Variants in SNCAIP observed in about 807,000 individuals in gnomAD.
The protein encoded by SNCAIP is synphilin-1.
In SNCAIP, 43 loss-of-function variants were observed where a neutral mutation model predicts 86.7. That is an observed-to-expected ratio of 0.50 (90% confidence interval 0.39 to 0.64). The LOEUF is 0.64. SNCAIP is among the 30% of genes least tolerant of loss of function. The probability of loss-of-function intolerance (pLI) is 0.00; values close to 1 mark genes in which losing one functional copy is unlikely to be tolerated. For synonymous variants in SNCAIP, 417 were observed against 427.2 expected, an observed-to-expected ratio of 0.98 and a Z score of 0.29; for missense variants, 981 against 1,103.1, an observed-to-expected ratio of 0.89 and a Z score of 1.57.
At chr5:122,320,907 A>T (rs918398460) in intron 1 of SNCAIP, among the ~76,000 whole-genome samples, 2 of 152,202 alleles carry the variant, frequency 1.3e-5, no homozygotes, top group African/African-American at 4.8e-5. Flanking sequence ...CCGGCAGGCA[A>T]GCACAACTCA....
At chr5:122,375,729 C>T (rs529229276) in intron 1 of SNCAIP, among the ~76,000 whole-genome samples, 36 of 151,512 alleles carry the variant, frequency 2.4e-4, no homozygotes, top group Non-Finnish European at 4.7e-4. Context: ...TCTTGTATAG[C>T]ACAACAAATT....
At chr5:122,425,674 G>T in intron 5 of SNCAIP, 143 bp downstream of exon 5, 1 of 696,496 alleles carries the variant, frequency 1.4e-6, no homozygotes, top group Non-Finnish European at 2.5e-6. Context: ...ATTTAAGAGA[G>T]TAATCATTTC....
At chr5:122,330,653 A>G (rs1322490985) in intron 1 of SNCAIP, among the ~76,000 whole-genome samples, 4 of 152,154 alleles carry the variant, frequency 2.6e-5, no homozygotes, top group African/African-American at 9.7e-5. Context: ...TACTGAGATG[A>G]ACAAATGTTA....
intron 1 of SNCAIP, among the ~76,000 whole-genome samples, chr5:122,353,695 A>G (rs1388972680): frequency 1.3e-5 from 2 of 152,186 alleles, no homozygotes; most frequent in African/African-American, 2.4e-5. Context: ...GCTTCCCGCC[A>G]TCCATGAAAG....
chr5:122,362,405 A>C (rs1447124462), intron 1 of SNCAIP, among the ~76,000 whole-genome samples: 1 of 152,224 alleles, frequency 6.6e-6, no homozygotes, highest in African/African-American at 2.4e-5. Context: ...TTGGAGATTG[A>C]GGAATCTGAG....
rs36222259 is a variant in SNCAIP, at chr5:122,358,159, T to TTGTG, written c.-46-32888_-46-32885dup. 3.7e-3 allele frequency among the ~76,000 whole-genome samples: 509 copies of TTGTG among 138,056 alleles called. 1 individual carries two copies. Among genetic ancestry groups the TTGTG allele is most frequent in the Non-Finnish European group, 4.2e-3 (270 of 64,870 alleles). The allele number at this position is 138,056 out of a possible 152,430, so 90.6% of individuals were successfully genotyped here. Reference sequence around the variant, plus strand: ...ATCAAAGAAAGAAAAATTTGTTTCTTTGTGTGTGTGTGTGTGTGTGTGTGT... The same window carrying TTGTG: ...ATCAAAGAAAGAAAAATTTGTTTCTTTGTGTGTGTGTGTGTGTGTGTGTGTGTGT... On this transcript the variant is annotated intron_variant, in intron 1 of 10. Transcript: ENST00000261368.
chr5:122,365,426 C>A (rs748975816), intron 1 of SNCAIP, among the ~76,000 whole-genome samples: 4 of 152,174 alleles, frequency 2.6e-5, no homozygotes, highest in Non-Finnish European at 5.9e-5. Flanking sequence ...CACCTGTAAT[C>A]CCACCACTGT....
intron 6 of SNCAIP, among the ~76,000 whole-genome samples, chr5:122,435,958 A>G (rs1387782010): frequency 6.6e-6 from 1 of 152,138 alleles, no homozygotes; most frequent in African/African-American, 2.4e-5. Context: ...AGCATAACTG[A>G]CACAGAGCCC....
intron 1 of SNCAIP, among the ~76,000 whole-genome samples, chr5:122,315,208 G>A (rs1010974011): frequency 3.3e-5 from 5 of 152,162 alleles, no homozygotes; most frequent in African/African-American, 7.2e-5. Context: ...TCCCTCAGAC[G>A]TTTTCAGTCT....
intron 1 of SNCAIP, among the ~76,000 whole-genome samples, chr5:122,380,472 T>C (rs559925172): frequency 6.6e-6 from 1 of 150,862 alleles, no homozygotes; most frequent in South Asian, 2.1e-4. Context: ...TCAATTTTGT[T>C]GATCCTTTCA....
intron 1 of SNCAIP, among the ~76,000 whole-genome samples, chr5:122,364,848 G>A (rs1191959524): frequency 6.6e-6 from 1 of 151,882 alleles, no homozygotes; most frequent in Non-Finnish European, 1.5e-5. Context: ...CAAGTCACTG[G>A]GCCCTTCTAG....
At chr5:122,443,379 C>T (rs905880312) in intron 7 of SNCAIP, among the ~76,000 whole-genome samples, 2 of 152,152 alleles carry the variant, frequency 1.3e-5, no homozygotes, top group Admixed American at 1.3e-4. Context: ...ACAGTATGGA[C>T]ACAAAATAGT....
intron 1 of SNCAIP, among the ~76,000 whole-genome samples, chr5:122,351,151 T>C (rs1418687627): frequency 1.3e-5 from 2 of 152,208 alleles, no homozygotes; most frequent in Non-Finnish European, 2.9e-5. Flanking sequence ...TTCTACCTTG[T>C]CTAAATTCTG....
rs146649485 is a variant in SNCAIP at position 122,336,505 on chromosome 5, C to T, written c.-47+24221C>T. ...TCTATTTCAGTAGATAACTTTTTGT[C>T]CTCCCAGACCTCAGAAATTTGTCCT... is the stretch of plus-strand genomic sequence containing the variant. On this transcript the variant is annotated intron_variant, in intron 1 of 10. Transcript: ENST00000261368. Among the ~76,000 whole-genome samples the T allele has an allele frequency of 3.2e-3, 486 of 152,276 alleles. 1 individual carries two copies. Among genetic ancestry groups the T allele is most frequent in the South Asian group, 6.0e-3 (29 of 4,826 alleles).
intron 2 of SNCAIP, among the ~76,000 whole-genome samples, chr5:122,399,835 A>C (rs949324304): frequency 6.6e-6 from 1 of 152,184 alleles, no homozygotes; most frequent in African/African-American, 2.4e-5. Context: ...CGTGCGTTAT[A>C]ATCACCCATA....
In SNCAIP at chr5:122,451,569, G is replaced by C; in HGVS notation, c.2722G>C (p.Ala908Pro). The C allele has an allele frequency of 6.2e-7, 1 of 1,613,214 alleles. No homozygotes were observed. Among genetic ancestry groups the C allele is most frequent in the Non-Finnish European group, 8.5e-7 (1 of 1,179,540 alleles). The change falls in exon 10 of 11, where the codon GCC becomes CCC. Residue 908 changes from alanine (A) to proline (P), a missense_variant. Physicochemically the swap from Ala to Pro is conservative, Grantham distance 27 (BLOSUM62 -1). Coordinates refer to ENST00000261368, the MANE Select transcript of SNCAIP (RefSeq NM_005460.4). ...GAAGACAGATGCCAAGGGAAACCCTGCCAGCTCCGCTAGCAAAGGAAAGAA... is the reference window on the plus strand; with the variant it reads ...GAAGACAGATGCCAAGGGAAACCCTCCCAGCTCCGCTAGCAAAGGAAAGAA... ...GRKTDAKGNP[A>P]SSASKGKNKA...
intron 1 of SNCAIP, among the ~76,000 whole-genome samples, chr5:122,341,040 C>G (rs760323899): frequency 2.0e-5 from 3 of 152,152 alleles, no homozygotes; most frequent in Non-Finnish European, 2.9e-5. Context: ...TCTGGCCCAC[C>G]ACCCTTCCCC....
chr5:122,338,747 A>G (rs947094390), intron 1 of SNCAIP, among the ~76,000 whole-genome samples: 1 of 152,216 alleles, frequency 6.6e-6, no homozygotes, highest in Admixed American at 6.5e-5. Flanking sequence ...TTGTTTTGGA[A>G]GAAGTTTTGT....
At chr5:122,377,965 G>C (rs906265731) in intron 1 of SNCAIP, among the ~76,000 whole-genome samples, 13 of 151,690 alleles carry the variant, frequency 8.6e-5, no homozygotes, top group African/African-American at 2.9e-4. Context: ...TTGGTTCCAA[G>C]TCTTTGCTAT....
Sources: gnomAD v4.1 joint callset for allele counts (sites outside exome capture counted in the v4.1 genomes callset) on GRCh38, gnomAD v4.1.1 for gene constraint, MANE v1.5 for transcripts, NCBI Gene and HGNC (gene_info 2026-07-23, HGNC 2026-07-21) for gene names.